FOXP2: variants seen among roughly 807,000 people sequenced by gnomAD.
The protein encoded by FOXP2 is forkhead box P2, also known as forkhead box protein P2.
A neutral mutation model predicts 115.8 loss-of-function variants in FOXP2; 12 were observed. The ratio of observed to expected loss-of-function variants is 0.10; its 90% confidence interval spans 0.07 to 0.17. The LOEUF is 0.17. FOXP2 is among the 10% of genes least tolerant of loss of function. The probability of loss-of-function intolerance (pLI) is 1.00; values close to 1 mark genes in which losing one functional copy is unlikely to be tolerated. For synonymous variants in FOXP2, 328 were observed against 297.7 expected, an observed-to-expected ratio of 1.10 and a Z score of -1.05; for missense variants, 629 against 843.5, an observed-to-expected ratio of 0.75 and a Z score of 3.15.
At chr7:114,103,299 A>T (rs2129141009) in intron 1 of FOXP2, among the ~76,000 whole-genome samples, 1 of 152,166 alleles carries the variant, frequency 6.6e-6, no homozygotes. Flanking sequence ...GGACATTGGG[A>T]AGCTGATTAC....
chr7:114,297,172 C>T (rs991403201), intron 2 of FOXP2: 18 of 495,328 alleles, frequency 3.6e-5, no homozygotes, highest in Non-Finnish European at 5.6e-5. Flanking sequence ...GCTCCTCCTG[C>T]TTCCTCTTGG....
At chr7:114,416,166 C>T in intron 1 of FOXP2, 1 of 151,822 alleles carries the variant, frequency 6.6e-6, no homozygotes, top group Non-Finnish European at 1.5e-5. Flanking sequence ...CCTATTGGGC[C>T]CATCATAGGG....
At chr7:114,668,647 G>A (rs1243012991) in intron 16 of FOXP2, 1 of 152,170 alleles carries the variant, frequency 6.6e-6, no homozygotes, top group Non-Finnish European at 1.5e-5. Context: ...GTGTACATGT[G>A]TGAGTGTGTG....
chr7:114,347,085 C>T (rs1791366040), intron 2 of FOXP2, among the ~76,000 whole-genome samples: 1 of 151,748 alleles, frequency 6.6e-6, no homozygotes, highest in Non-Finnish European at 1.5e-5. Context: ...GCCTTAGGTC[C>T]TGATGTAACT....
At chr7:114,464,398 T>G (rs1370989021) in intron 2 of FOXP2, among the ~76,000 whole-genome samples, 2 of 152,300 alleles carry the variant, frequency 1.3e-5, no homozygotes, top group East Asian at 3.9e-4. Context: ...GAAAAACTTT[T>G]GTCCAACTAA....
At chr7:114,410,987 G>T (rs1212583182), upstream of FOXP2, among the ~76,000 whole-genome samples, 1 of 152,086 alleles carries the variant, frequency 6.6e-6, no homozygotes, top group Non-Finnish European at 1.5e-5. Context: ...AGTAGATAGA[G>T]TATCTAACAT....
At chr7:114,100,171 G>C (rs1799746181) in intron 1 of FOXP2, among the ~76,000 whole-genome samples, 1 of 152,048 alleles carries the variant, frequency 6.6e-6, no homozygotes, top group Non-Finnish European at 1.5e-5. Context: ...TTTTAGCTCT[G>C]TGCTTTGTAT....
chr7:114,422,609 C>T (rs1258634334), intron 1 of FOXP2, among the ~76,000 whole-genome samples: 1 of 151,502 alleles, frequency 6.6e-6, no homozygotes. Flanking sequence ...GCATAAGAAA[C>T]AGGGAAGGAG....
At chr7:114,150,199 C>T (rs1023143538) in intron 1 of FOXP2, among the ~76,000 whole-genome samples, 4 of 151,718 alleles carry the variant, frequency 2.6e-5, no homozygotes, top group South Asian at 2.1e-4. Context: ...TTTTAGGGTC[C>T]GGATGAAGAG....
chr7:114,114,075 T>G (rs993792236), intron 1 of FOXP2, among the ~76,000 whole-genome samples: 5 of 151,478 alleles, frequency 3.3e-5, no homozygotes, highest in Admixed American at 1.3e-4. Flanking sequence ...AAAACAAAAA[T>G]GAAGGAAAAC....
At chr7:114,119,425 T>C (rs1345424723) in intron 1 of FOXP2, among the ~76,000 whole-genome samples, 2 of 152,170 alleles carry the variant, frequency 1.3e-5, no homozygotes, top group Non-Finnish European at 1.5e-5. Flanking sequence ...ATTTCCAGGA[T>C]TGTAGTCTTA....
rs1315752994 is a variant in FOXP2, at chr7:114,693,631, T to G, written c.*3705T>G. The G allele has an allele frequency of 2.2e-6, 1 of 447,510 alleles. No homozygotes were observed. The highest frequency in any genetic ancestry group is 7.0e-5 in the East Asian group (1 of 14,348). 27.7% of individuals were successfully genotyped at this position (447,510 alleles called of 1,614,324 possible). ...TATCTTACTTAGCAAAAAAGAAGGA[T>G]GTACATTTTACTATAGAATTAATGT... On this transcript the variant is annotated 3_prime_UTR_variant, in exon 17 of 17. Transcript: ENST00000350908.
rs1269910731 is a variant in FOXP2 at position 114,291,894 on chromosome 7, T to TACAG, written c.-11+3786_-11+3787insCAGA. ...TATAGATAATATATAGAATATATAT[T>TACAG]ATAGATAATATATAGAATATATATT... On this transcript the variant is annotated intron_variant, in intron 2 of 17. Transcript: ENST00000634411. 2.8e-3 allele frequency among the ~76,000 whole-genome samples: 397 copies of TACAG among 141,212 alleles called. 19 individuals carry two copies. The highest frequency in any genetic ancestry group is 8.5e-3 in the African/African-American group (319 of 37,428). The allele number at this position is 141,212 out of a possible 152,430, so 92.6% of individuals were successfully genotyped here.
intron 1 of FOXP2, among the ~76,000 whole-genome samples, chr7:114,205,393 G>C (rs1794173710): frequency 6.6e-6 from 1 of 152,156 alleles, no homozygotes; most frequent in South Asian, 2.1e-4. Flanking sequence ...AAGTTGGTAA[G>C]AATCAGATGA....
chr7:114,610,827 G>A (rs1359231140), intron 3 of FOXP2, among the ~76,000 whole-genome samples: 1 of 151,716 alleles, frequency 6.6e-6, no homozygotes, highest in Non-Finnish European at 1.5e-5. Flanking sequence ...AGAGATGGGG[G>A]TTTCCCCATA....
At chr7:114,327,506 C>A (rs1584638603) in intron 2 of FOXP2, among the ~76,000 whole-genome samples, 1 of 142,738 alleles carries the variant, frequency 7.0e-6, no homozygotes, top group Non-Finnish European at 1.5e-5. Flanking sequence ...TTTGTGTTTT[C>A]TTTTTTTTTT....
At chr7:114,526,896 C>T (rs1584853581) in intron 2 of FOXP2, among the ~76,000 whole-genome samples, 1 of 151,992 alleles carries the variant, frequency 6.6e-6, no homozygotes, top group South Asian at 2.1e-4. Context: ...CTGTTTAATT[C>T]CAGAACATTC....
intron 2 of FOXP2, among the ~76,000 whole-genome samples, chr7:114,354,422 G>A (rs1248301249): frequency 1.3e-5 from 2 of 151,940 alleles, no homozygotes; most frequent in Non-Finnish European, 2.9e-5. Context: ...ATCTATATCT[G>A]TCCTATTGGT....
intron 3 of FOXP2, among the ~76,000 whole-genome samples, chr7:114,621,883 A>G (rs1435351848): frequency 6.6e-6 from 1 of 152,056 alleles, no homozygotes; most frequent in Non-Finnish European, 1.5e-5. Context: ...CCTTGGCAAG[A>G]CCTAAACATA....
Sources: gnomAD v4.1 joint callset for allele counts (sites outside exome capture counted in the v4.1 genomes callset) on GRCh38, gnomAD v4.1.1 for gene constraint, MANE v1.5 for transcripts, NCBI Gene and HGNC (gene_info 2026-07-23, HGNC 2026-07-21) for gene names.